The following DAAM2 variants were observed in gnomAD, a reference collection of about 807,000 sequenced individuals.
The protein encoded by DAAM2 is disheveled-associated activator of morphogenesis 2.
DAAM2 carries 39 observed loss-of-function variants against 120.7 expected under a neutral mutation model. The observed-to-expected ratio is 0.32, with a 90% CI of 0.25 to 0.42. The LOEUF (loss-of-function observed/expected upper bound fraction) is 0.42. DAAM2 is among the 10% of genes least tolerant of loss of function. DAAM2 has a pLI of 1.00. For synonymous variants in DAAM2, 488 were observed against 524.9 expected, an observed-to-expected ratio of 0.93 and a Z score of 0.96; for missense variants, 1,283 against 1,401.7, an observed-to-expected ratio of 0.92 and a Z score of 1.35.
intron 1 of DAAM2, among the ~76,000 whole-genome samples, chr6:39,842,833 G>T (rs1015597037): frequency 1.3e-5 from 2 of 151,844 alleles, no homozygotes; most frequent in South Asian, 4.2e-4. Context: ...TGAGAGAAGA[G>T]GGGGAGGAAG....
intron 16 of DAAM2, chr6:39,888,422 T>C (rs1231951716): frequency 3.2e-6 from 1 of 312,358 alleles, no homozygotes; most frequent in Non-Finnish European, 6.1e-6. Context: ...TACTCCCAAA[T>C]GCCCCTATCA....
At chr6:39,860,315 C>T (rs1181194265) in intron 2 of DAAM2, among the ~76,000 whole-genome samples, 1 of 152,232 alleles carries the variant, frequency 6.6e-6, no homozygotes, top group Non-Finnish European at 1.5e-5. Flanking sequence ...CCCTCGGAAG[C>T]AGATCAATGC....
At chr6:39,898,677 T>A (rs1766277442) in intron 21 of DAAM2, among the ~76,000 whole-genome samples, 200 bp from the exon 22 acceptor site, 2 of 152,228 alleles carry the variant, frequency 1.3e-5, no homozygotes, top group South Asian at 4.1e-4. Flanking sequence ...TTCACCTTGT[T>A]AATTTATTGA....
At chr6:39,828,570 C>CTCTTTTTTTTTT (rs1490245793) in intron 1 of DAAM2, among the ~76,000 whole-genome samples, 1 of 142,554 alleles carries the variant, frequency 7.0e-6, no homozygotes, top group African/African-American at 2.6e-5. Context: ...CCCCCTCCGT[C>CTCTTTTTTTTTT]TTTTTTTTTT....
intron 1 of DAAM2, among the ~76,000 whole-genome samples, chr6:39,824,291 C>T (rs1762590618): frequency 6.6e-6 from 1 of 152,278 alleles, no homozygotes; most frequent in South Asian, 2.1e-4. Flanking sequence ...CCCTAGAGCC[C>T]GTGCCCCAGC....
chr6:39,843,680 C>T lies in DAAM2; in HGVS notation c.-56-12567C>T, dbSNP rs561237995. ...AGGGCCCTTCTGAGTGTGCCCAGCT[C>T]GCATGCCCAAGAGGCCGATCCTGAA... On this transcript the variant is annotated intron_variant, in intron 1 of 24. Transcript: ENST00000274867. Among the ~76,000 whole-genome samples the T allele has an allele frequency of 1.1e-4, 17 of 152,312 alleles. No homozygotes were observed. In the East Asian group the frequency reaches 2.3e-3, roughly 21 times the overall value.
At chr6:39,875,821 G>A (rs73734942) in intron 11 of DAAM2, among the ~76,000 whole-genome samples, 3,171 of 152,242 alleles carry the variant, frequency 0.021, 120 homozygotes, top group African/African-American at 0.071. Context: ...AACTCTCCAC[G>A]ATCCACTGCA....
intron 1 of DAAM2, among the ~76,000 whole-genome samples, chr6:39,843,521 G>T (rs181138019): frequency 9.9e-4 from 151 of 152,360 alleles, no homozygotes; most frequent in African/African-American, 3.5e-3. Context: ...GGCTGCCTGC[G>T]CTGGCTGCTG....
At chr6:39,871,382 C>T (rs1407538768) in intron 8 of DAAM2, 124 bp from the exon 9 acceptor site, 13 of 894,838 alleles carry the variant, frequency 1.5e-5, no homozygotes, top group Non-Finnish European at 2.2e-5. Flanking sequence ...CCCATTTTGC[C>T]TTCATTTTGC....
intron 3 of DAAM2, chr6:39,861,835 G>A (rs767888101): frequency 1.3e-5 from 2 of 152,864 alleles, no homozygotes; most frequent in Admixed American, 6.5e-5. Context: ...ACCAGAGCCT[G>A]GCTATTCCCA....
At chr6:39,880,954 A>G (rs1765090701) in intron 14 of DAAM2, among the ~76,000 whole-genome samples, 1 of 152,254 alleles carries the variant, frequency 6.6e-6, no homozygotes, top group Non-Finnish European at 1.5e-5. Context: ...ACGTGCAGAA[A>G]GGTTCATTGT....
rs571866650 is a variant in DAAM2, at chr6:39,837,094, G to A, written c.-56-19153G>A. Among the ~76,000 whole-genome samples the A allele has an allele frequency of 1.1e-3, 163 of 152,296 alleles. 1 individual carries two copies. The highest frequency in any genetic ancestry group is 3.6e-3 in the African/African-American group (151 of 41,562). ...TAGCTCTGATGTGCATGTAGGTAGAGAAACCTGCTGCCCACTCTCAGGCTT... is the reference window on the plus strand; with the variant it reads ...TAGCTCTGATGTGCATGTAGGTAGAAAAACCTGCTGCCCACTCTCAGGCTT... On this transcript the variant is annotated intron_variant, in intron 1 of 24. Coordinates refer to ENST00000274867, the MANE Select transcript of DAAM2 (RefSeq NM_001201427.2).
Position 39,856,338 on chromosome 6 carries a change from C to T in DAAM2, c.36C>T (p.Gly12=), listed in dbSNP as rs1764001339. 1 of 1,551,982 alleles carries T rather than the reference C, an allele frequency of 6.4e-7. No homozygotes were observed. The highest frequency in any genetic ancestry group is 2.5e-5 in the East Asian group (1 of 40,172). ...APRKRSHHGL[G]FLCCFGGSDI... ...GCAAGAGGAGCCACCATGGCCTGGG[C>T]TTCCTGTGCTGCTTCGGGGGCAGTG... Residue 12 remains glycine (G), a synonymous_variant, in exon 2 of 25, where the codon GGC becomes GGT. Coordinates refer to ENST00000274867, the MANE Select transcript of DAAM2 (RefSeq NM_001201427.2).
rs1766554784 is a variant in DAAM2 at position 39,902,567 on chromosome 6, T to A, written c.*530T>A. 6.6e-6 allele frequency: 1 copy of A among 152,474 alleles called. No individual in the cohort carries two copies. Among genetic ancestry groups the A allele is most frequent in the South Asian group, 2.1e-4 (1 of 4,832 alleles). The allele number at this position is 152,474 out of a possible 1,614,324, so 9.4% of individuals were successfully genotyped here. A position where few individuals can be genotyped will look rare whatever the true frequency, so the allele number is the denominator to read the frequency against. ...TGGGAACAGAGGAGGCATTATATATTCTAGTTAGATCAGCTCTGGTAGGTT... is the reference window on the plus strand; with the variant it reads ...TGGGAACAGAGGAGGCATTATATATACTAGTTAGATCAGCTCTGGTAGGTT... On this transcript the variant is annotated 3_prime_UTR_variant, in exon 25 of 25. Transcript: ENST00000274867.
chr6:39,891,113 A>G (rs867085737), intron 17 of DAAM2, among the ~76,000 whole-genome samples: 13 of 151,808 alleles, frequency 8.6e-5, no homozygotes, highest in African/African-American at 2.9e-4. Context: ...AAAGAAAGAA[A>G]TACTGTATAT....
At chr6:39,879,013 G>A (rs762260203) in intron 13 of DAAM2, among the ~76,000 whole-genome samples, 165 bp from the exon 14 acceptor site, 1 of 152,114 alleles carries the variant, frequency 6.6e-6, no homozygotes, top group Non-Finnish European at 1.5e-5. Context: ...TGTGTTAGAT[G>A]TTTGGATGCA....
intron 1 of DAAM2, among the ~76,000 whole-genome samples, chr6:39,834,049 CCCGT>C (rs1342022492): frequency 6.6e-6 from 1 of 152,056 alleles, no homozygotes; most frequent in Non-Finnish European, 1.5e-5. Flanking sequence ...GATTCTTGAC[CCCGT>C]CGTATGCCTG....
chr6:39,897,316 T>C (rs746937434), intron 21 of DAAM2, 34 bp downstream of exon 21: 2 of 1,342,700 alleles, frequency 1.5e-6, no homozygotes, highest in Admixed American at 3.4e-5. Context: ...CTTCTCCCCA[T>C]GATGACCCTC....
In DAAM2 at chr6:39,873,331, C is replaced by T. The variant is rs1374643000; in HGVS notation, c.1138C>T (p.Leu380=). Residue 380 remains leucine (L), a synonymous_variant, in exon 10 of 25, where the codon CTG becomes TTG. Transcript: ENST00000274867. ...TEAYPCLLSV[L]HHCLQMPYKR... is the part of the protein sequence containing the mutation. ...GGCCTACCCCTGCCTGCTCTCTGTG[C>T]TGCACCACTGCCTGCAGATGCCCTG... is the stretch of plus-strand genomic sequence containing the variant. 3 of 1,612,494 alleles carry T rather than the reference C, an allele frequency of 1.9e-6. No homozygotes were observed. The highest frequency in any genetic ancestry group is 2.2e-5 in the East Asian group (1 of 44,868).
Sources: allele counts gnomAD v4.1 joint callset (sites outside exome capture counted in the v4.1 genomes callset), GRCh38; gene constraint gnomAD v4.1.1; transcripts MANE v1.5; gene names NCBI Gene and HGNC (gene_info 2026-07-23, HGNC 2026-07-21).